The following LRFN5 variants were observed in gnomAD, a reference collection of about 807,000 sequenced individuals.
The protein encoded by LRFN5 is leucine-rich repeat and fibronectin type-III domain-containing protein 5.
Under a neutral mutation model 45.6 loss-of-function variants are expected in LRFN5, and 24 were observed. The observed-to-expected ratio is 0.53, with a 90% confidence interval of 0.38 to 0.74. The LOEUF is 0.74. LRFN5 is among the 30% of genes least tolerant of loss of function. The pLI is 0.00. For missense variants in LRFN5, 776 were observed against 861.5 expected (o/e 0.90, Z 1.24); for synonymous variants, 340 against 313.8 (o/e 1.08, Z -0.88).
intron 2 of LRFN5, among the ~76,000 whole-genome samples, chr14:41,881,332 CT>C (rs907103433): frequency 2.0e-5 from 3 of 151,362 alleles, no homozygotes; most frequent in African/African-American, 7.3e-5. Context: ...AGGATTTTTT[CT>C]TTTCTTTATA....
chr14:41,691,799 T>TAGAC (rs1227537687), intron 1 of LRFN5, among the ~76,000 whole-genome samples: 1 of 152,128 alleles, frequency 6.6e-6, no homozygotes, highest in Non-Finnish European at 1.5e-5. Flanking sequence ...TACTTTCTGA[T>TAGAC]GTCTAACACT....
intron 1 of LRFN5, among the ~76,000 whole-genome samples, chr14:41,757,382 C>T (rs1440077957): frequency 6.6e-6 from 1 of 152,204 alleles, no homozygotes; most frequent in South Asian, 2.1e-4. Flanking sequence ...AGGCAGGCCT[C>T]CTTGAACTGT....
intron 2 of LRFN5, among the ~76,000 whole-genome samples, chr14:41,816,183 G>GT (rs1241944056): frequency 1.3e-5 from 2 of 150,572 alleles, no homozygotes; most frequent in Non-Finnish European, 3.0e-5. Flanking sequence ...TCCCTTGTGA[G>GT]TTTTTTATAA....
intron 2 of LRFN5, among the ~76,000 whole-genome samples, chr14:41,802,380 G>A (rs1177191049): frequency 6.6e-6 from 1 of 152,088 alleles, no homozygotes; most frequent in African/African-American, 2.4e-5. Flanking sequence ...GATTCTTGCT[G>A]AAGGCAGGCC....
chr14:41,615,452 T>G (rs904450798), intron 1 of LRFN5, among the ~76,000 whole-genome samples: 4 of 152,168 alleles, frequency 2.6e-5, no homozygotes, highest in Non-Finnish European at 5.9e-5. Flanking sequence ...TAAACTGGTT[T>G]GGGACAGTTT....
Position 41,673,195 on chromosome 14 carries a change from A to G in LRFN5, c.-197+64633A>G, listed in dbSNP as rs567790863. 5.9e-4 allele frequency among the ~76,000 whole-genome samples: 90 copies of G among 151,970 alleles called. 1 individual carries two copies. The East Asian group carries it at 0.016, about 28-fold the overall frequency. ...CCTCTTTCTATTCCACAAAACCGCC[A>G]TTGTCATCATGGCCCGTTCTCAATG... On this transcript the variant is annotated intron_variant, in intron 1 of 5. Coordinates refer to ENST00000298119, the MANE Select transcript of LRFN5 (RefSeq NM_152447.5).
intron 1 of LRFN5, among the ~76,000 whole-genome samples, chr14:41,685,383 A>AT (rs1882074922): frequency 6.6e-6 from 1 of 152,190 alleles, no homozygotes; most frequent in Non-Finnish European, 1.5e-5. Context: ...AATAACCAAG[A>AT]TTTTAAAGAA....
chr14:41,611,645 C>T (rs1286947567), intron 1 of LRFN5, among the ~76,000 whole-genome samples: 3 of 152,120 alleles, frequency 2.0e-5, no homozygotes, highest in Non-Finnish European at 4.4e-5. Flanking sequence ...TTCCCTTTCT[C>T]TTTTCAAGAG....
intron 1 of LRFN5, among the ~76,000 whole-genome samples, chr14:41,678,060 A>G (rs1030239037): frequency 6.6e-6 from 1 of 152,078 alleles, no homozygotes; most frequent in African/African-American, 2.4e-5. Context: ...ACTGTCTATA[A>G]GAGACACATT....
chr14:41,722,216 C>A (rs1033325543), intron 1 of LRFN5, among the ~76,000 whole-genome samples: 7 of 151,946 alleles, frequency 4.6e-5, no homozygotes, highest in African/African-American at 1.4e-4. Flanking sequence ...TTCAGAAATT[C>A]TGATTGATAT....
intron 2 of LRFN5, among the ~76,000 whole-genome samples, chr14:41,853,179 C>A (rs1889332207): frequency 6.6e-6 from 1 of 151,864 alleles, no homozygotes; most frequent in African/African-American, 2.4e-5. Context: ...AATTTAGAAT[C>A]CACCTGAATT....
intron 1 of LRFN5, among the ~76,000 whole-genome samples, chr14:41,649,864 T>A (rs1186308595): frequency 6.6e-6 from 1 of 152,174 alleles, no homozygotes; most frequent in Non-Finnish European, 1.5e-5. Context: ...TCTCCCCCAT[T>A]GCAATACTCT....
chr14:41,831,902 C>T (rs187695681), intron 2 of LRFN5, among the ~76,000 whole-genome samples: 4 of 152,198 alleles, frequency 2.6e-5, no homozygotes, highest in Admixed American at 2.0e-4. Flanking sequence ...GTTCAGTTCC[C>T]GGTGACAGCC....
chr14:41,738,995 CAT>C (rs371383184), intron 1 of LRFN5, among the ~76,000 whole-genome samples: 1 of 152,248 alleles, frequency 6.6e-6, no homozygotes, highest in East Asian at 1.9e-4. Context: ...CTATAGATCA[CAT>C]GTTAGTCTAC....
At chr14:41,763,546 A>G (rs1274945419) in intron 1 of LRFN5, among the ~76,000 whole-genome samples, 1 of 152,134 alleles carries the variant, frequency 6.6e-6, no homozygotes, top group Non-Finnish European at 1.5e-5. Flanking sequence ...TAGCTTCAGT[A>G]ATGCCCATGT....
chr14:41,871,607 A>G (rs1890022436), intron 2 of LRFN5, among the ~76,000 whole-genome samples: 1 of 151,836 alleles, frequency 6.6e-6, no homozygotes, highest in Non-Finnish European at 1.5e-5. Context: ...AAAATCCCAA[A>G]TTTATACAAT....
intron 1 of LRFN5, among the ~76,000 whole-genome samples, chr14:41,673,131 G>C (rs138989870): frequency 6.6e-6 from 1 of 151,764 alleles, no homozygotes; most frequent in Admixed American, 6.6e-5. Flanking sequence ...ACACAGACAC[G>C]GCAACCATCC....
At chr14:41,685,034 C>T (rs1352272155) in intron 1 of LRFN5, among the ~76,000 whole-genome samples, 2 of 152,124 alleles carry the variant, frequency 1.3e-5, no homozygotes, top group East Asian at 3.9e-4. Flanking sequence ...AAATAGCAAA[C>T]TGGTATGTGA....
intron 1 of LRFN5, among the ~76,000 whole-genome samples, chr14:41,754,878 T>G (rs1415457977): frequency 1.3e-5 from 2 of 152,314 alleles, no homozygotes; most frequent in Admixed American, 1.3e-4. Flanking sequence ...TTTAGATCTT[T>G]CCTGCTTTCT....
Sources: allele counts gnomAD v4.1 joint callset (sites outside exome capture counted in the v4.1 genomes callset), GRCh38; gene constraint gnomAD v4.1.1; transcripts MANE v1.5; gene names NCBI Gene and HGNC (gene_info 2026-07-23, HGNC 2026-07-21).